Variants in TMEM132D observed in about 807,000 individuals in gnomAD.
TMEM132D encodes transmembrane protein 132D, also known as mature OL transmembrane protein.
Under a neutral mutation model 62.3 loss-of-function variants are expected in TMEM132D, and 21 were observed. The observed-to-expected ratio is 0.34, with a 90% CI of 0.24 to 0.49. TMEM132D has a LOEUF of 0.49. Among genes scored for constraint, TMEM132D ranks in the 20% least tolerant of loss-of-function variants. TMEM132D has a pLI of 0.99. For missense variants in TMEM132D, 1,346 were observed against 1,402.8 expected, an observed-to-expected ratio of 0.96 and a Z score of 0.65; for synonymous variants, 621 against 575.6, an observed-to-expected ratio of 1.08 and a Z score of -1.13.
chr12:129,125,251 A>C (rs1203889401), intron 5 of TMEM132D, among the ~76,000 whole-genome samples: 1 of 152,200 alleles, frequency 6.6e-6, no homozygotes, highest in Non-Finnish European at 1.5e-5. Context: ...CTATCTCCTA[A>C]TAGAAATTGT....
At chr12:129,622,385 T>G (rs1413916466) in intron 2 of TMEM132D, among the ~76,000 whole-genome samples, 1 of 152,146 alleles carries the variant, frequency 6.6e-6, no homozygotes, top group East Asian at 1.9e-4. Flanking sequence ...CAAGGGTCAC[T>G]AGGGAATCCT....
chr12:129,520,035 T>A (rs931135003), intron 3 of TMEM132D, among the ~76,000 whole-genome samples: 4 of 152,224 alleles, frequency 2.6e-5, no homozygotes, highest in African/African-American at 9.6e-5. Context: ...TATGTATAGA[T>A]AGATAAGTAT....
intron 8 of TMEM132D, among the ~76,000 whole-genome samples, chr12:129,077,505 G>C (rs1348341655): frequency 1.3e-5 from 2 of 151,982 alleles, no homozygotes; most frequent in Non-Finnish European, 2.9e-5. Flanking sequence ...CCCTATAACA[G>C]TCCCCTTTGT....
intron 1 of TMEM132D, among the ~76,000 whole-genome samples, chr12:129,883,227 AAAATTGCAATAAAGAATTAT>A (rs1874658228): frequency 6.6e-6 from 1 of 152,238 alleles, no homozygotes; most frequent in Non-Finnish European, 1.5e-5. Flanking sequence ...GCATATCTAT[AAAATTGCAATAAAGAATTAT>A]AAATTCAAAT....
intron 1 of TMEM132D, among the ~76,000 whole-genome samples, chr12:129,834,224 T>C (rs1872932448): frequency 6.6e-6 from 1 of 152,152 alleles, no homozygotes; most frequent in Non-Finnish European, 1.5e-5. Flanking sequence ...TCGGATGTGC[T>C]ATTCTCCCTC....
intron 5 of TMEM132D, among the ~76,000 whole-genome samples, chr12:129,132,049 G>A (rs1217276188): frequency 1.3e-5 from 2 of 152,178 alleles, no homozygotes; most frequent in Non-Finnish European, 2.9e-5. Flanking sequence ...ACAAAAGAGT[G>A]AATTCTAAGT....
rs752280349 is a variant in TMEM132D at position 129,700,610 on chromosome 12, C to T, written c.168G>A (p.Ala56=). The change falls in exon 2 of 9, where the codon GCG becomes GCA. Residue 56 remains alanine (A), a synonymous_variant. Transcript: ENST00000422113. ...CCTCCTTCAGGAAGAAGGAGACGTC[C>T]GCGTTGTTGATGTGGTAGGTCACGG... ...YLPVTYHINN[A]DVSFFLKEAN... The T allele has an allele frequency of 1.1e-5, 18 of 1,613,950 alleles. No homozygotes were observed. The South Asian group carries it at 1.4e-4, about 13-fold the overall frequency.
At chr12:129,798,636 C>T (rs1426138272) in intron 1 of TMEM132D, among the ~76,000 whole-genome samples, 1 of 152,094 alleles carries the variant, frequency 6.6e-6, no homozygotes, top group Non-Finnish European at 1.5e-5. Flanking sequence ...CTCCGTGGGT[C>T]TTCCTGCCCA....
chr12:129,232,045 C>G (rs939303851), intron 4 of TMEM132D, among the ~76,000 whole-genome samples: 2 of 152,168 alleles, frequency 1.3e-5, no homozygotes, highest in Non-Finnish European at 2.9e-5. Context: ...TCAAACTTAG[C>G]TGTACATTGG....
At chr12:129,187,177 G>T (rs1878243196) in intron 5 of TMEM132D, among the ~76,000 whole-genome samples, 1 of 152,204 alleles carries the variant, frequency 6.6e-6, no homozygotes, top group African/African-American at 2.4e-5. Flanking sequence ...GTCCTAGGGG[G>T]ATGGAGGAGC....
intron 2 of TMEM132D, among the ~76,000 whole-genome samples, chr12:129,533,209 T>C (rs1312512045): frequency 6.6e-6 from 1 of 152,246 alleles, no homozygotes; most frequent in Non-Finnish European, 1.5e-5. Context: ...ATAATCATTA[T>C]GCATGCAAAC....
In TMEM132D at chr12:129,087,897, CCTCCCTG is replaced by C. The variant is rs1446643841; in HGVS notation, c.1444-3202_1444-3196del. On this transcript the variant is annotated intron_variant, in intron 5 of 8. Transcript: ENST00000422113. ...CGGGTGTCCTCCCTGACCGGGGTGT[CCTCCCTG>C]ACCGGGGTGTCCTCCCTGACCGGGT... Among the ~76,000 whole-genome samples the C allele has an allele frequency of 2.1e-3, 291 of 138,136 alleles. 9 individuals carry two copies. Among genetic ancestry groups the C allele is most frequent in the East Asian group, 8.6e-3 (41 of 4,742 alleles). 90.6% of individuals were successfully genotyped at this position (138,136 alleles called of 152,430 possible).
intron 3 of TMEM132D, among the ~76,000 whole-genome samples, chr12:129,357,337 GA>G (rs1427158692): frequency 6.8e-6 from 1 of 146,492 alleles, no homozygotes; most frequent in African/African-American, 2.5e-5. Context: ...GAAAGAAAAA[GA>G]AAAGAAAGAA....
rs147628077 is a variant in TMEM132D, at chr12:129,592,347, T to C, written c.969-61142A>G. Reference sequence around the variant, plus strand: ...AAAACTAAAAGGCACTCCCAAATTATTGCCATTTGAAATACTACTCTTGCC... The same window carrying C: ...AAAACTAAAAGGCACTCCCAAATTACTGCCATTTGAAATACTACTCTTGCC... On this transcript the variant is annotated intron_variant, in intron 2 of 8. Transcript: ENST00000422113. Among the ~76,000 whole-genome samples, 296 of 152,346 alleles carry C rather than the reference T, an allele frequency of 1.9e-3. 1 individual carries two copies. Among genetic ancestry groups the C allele is most frequent in the African/African-American group, 6.7e-3 (278 of 41,582 alleles).
At chr12:129,226,372 T>C (rs1879481272) in intron 4 of TMEM132D, among the ~76,000 whole-genome samples, 1 of 152,190 alleles carries the variant, frequency 6.6e-6, no homozygotes. Flanking sequence ...CCTATGCATG[T>C]GGGTTTGCAG....
intron 5 of TMEM132D, among the ~76,000 whole-genome samples, chr12:129,175,219 G>C (rs1877870237): frequency 2.6e-5 from 1 of 38,896 alleles, no homozygotes; most frequent in Non-Finnish European, 5.9e-5. Flanking sequence ...TTTTACATTT[G>C]TCTTTAATCC....
chr12:129,555,076 G>A lies in TMEM132D; in HGVS notation c.969-23871C>T, dbSNP rs147677063. ...CAAATATCCTGCCAATGCTTAGGCTGTCAGTGAAAACAATGACAATAATAG... is the reference window on the plus strand; with the variant it reads ...CAAATATCCTGCCAATGCTTAGGCTATCAGTGAAAACAATGACAATAATAG... On this transcript the variant is annotated intron_variant, in intron 2 of 8. Coordinates refer to ENST00000422113, the MANE Select transcript of TMEM132D (RefSeq NM_133448.3). Among the ~76,000 whole-genome samples, 237 of 152,292 alleles carry A rather than the reference G, an allele frequency of 1.6e-3. 2 individuals are homozygous for A. Among genetic ancestry groups the A allele is most frequent in the Middle Eastern group, 3.4e-3 (1 of 294 alleles).
intron 4 of TMEM132D, among the ~76,000 whole-genome samples, chr12:129,272,614 G>C (rs1045394416): frequency 6.6e-6 from 1 of 151,616 alleles, no homozygotes; most frequent in African/African-American, 2.4e-5. Context: ...GTCTGTTCAT[G>C]TCTTCTGCCT....
At chr12:129,311,584 A>T (rs1417623332) in intron 4 of TMEM132D, among the ~76,000 whole-genome samples, 2 of 152,244 alleles carry the variant, frequency 1.3e-5, no homozygotes, top group East Asian at 3.8e-4. Context: ...AGGTAAACAT[A>T]AAAATAAAGA....
Sources: allele counts gnomAD v4.1 joint callset (sites outside exome capture counted in the v4.1 genomes callset), GRCh38; gene constraint gnomAD v4.1.1; transcripts MANE v1.5; gene names NCBI Gene and HGNC (gene_info 2026-07-23, HGNC 2026-07-21).